NKPD1: variants seen among roughly 807,000 people sequenced by gnomAD.
The protein encoded by NKPD1 is NTPase KAP family P-loop domain-containing protein 1.
NKPD1 carries 37 observed loss-of-function variants against 42.2 expected under a neutral mutation model. The observed-to-expected ratio is 0.88, with a 90% CI of 0.67 to 1.15. NKPD1 has a LOEUF of 1.15. NKPD1 is among the 50% of genes most tolerant of loss of function. The pLI, the probability that NKPD1 is intolerant of heterozygous loss-of-function variation, is 0.00. For synonymous variants in NKPD1, 552 were observed against 536.5 expected, an observed-to-expected ratio of 1.03 and a Z score of -0.40; for missense variants, 1,113 against 1,174.6, an observed-to-expected ratio of 0.95 and a Z score of 0.77.
Position 45,153,014 on chromosome 19 carries a change from C to T in NKPD1, c.1423G>A (p.Ala475Thr). Residue 475 changes from alanine (A) to threonine (T), a missense_variant, in exon 5 of 5, where the codon GCC becomes ACC. Around this residue, in one of 3 missense-constraint regions of NKPD1, gnomAD observed 867 missense variants for 870.1 expected, o/e 1.00. Coordinates refer to ENST00000686631, the MANE Select transcript of NKPD1 (RefSeq NM_198478.4). ...CTGTCGGACAGCAGCGTGTTGATGG[C>T]GTTGAGCACGCCCACCACGCGCTCC... ...YPERVVGVLNAINTLLSDSHA... is the reference protein window; with the variant it reads ...YPERVVGVLNTINTLLSDSHA... The T allele has an allele frequency of 6.3e-6, 10 of 1,585,732 alleles. No individual in the cohort carries two copies. Among genetic ancestry groups the T allele is most frequent in the African/African-American group, 1.3e-5 (1 of 74,472 alleles).
rs1432078469 is a variant in NKPD1, at chr19:45,152,345, T to G, written c.2092A>C (p.Ser698Arg). The G allele has an allele frequency of 6.2e-7, 1 of 1,604,700 alleles. No homozygotes were observed. Among genetic ancestry groups the G allele is most frequent in the Non-Finnish European group, 8.5e-7 (1 of 1,175,458 alleles). Residue 698 changes from serine (S) to arginine (R), a missense_variant, in exon 5 of 5, where the codon AGC becomes CGC. Physicochemically the swap from Ser to Arg is moderately radical, Grantham distance 110. Transcript: ENST00000686631. ...TTGGTCATGGTGTGCAGCTCGCGGC[T>G]GTTGTCGCGGAAAACGTCCCAGAGG... The part of the protein sequence containing the change: ...ARLWDVFRDN[S>R]RELHTMTKAL...
chr19:45,153,486 C>A lies in NKPD1; in HGVS notation c.951G>T (p.Ser317=). The change falls in exon 5 of 5, where the codon TCG becomes TCT. Residue 317 remains serine, a synonymous_variant. Transcript: ENST00000686631. ...HYGALPFSVY[S]VLGNKPATRQ... ...TGGTGGCCGGCTTGTTGCCCAGCAC[C>A]GAGTACACGCTGAAGGGCAGTGCGC... is the stretch of plus-strand genomic sequence containing the variant. The A allele has an allele frequency of 6.4e-7, 1 of 1,556,176 alleles. No homozygotes were observed. Among genetic ancestry groups the A allele is most frequent in the East Asian group, 2.4e-5 (1 of 42,330 alleles).
At chr19:45,162,291 G>C (rs1969022454), upstream of NKPD1, among the ~76,000 whole-genome samples, 1 of 152,204 alleles carries the variant, frequency 6.6e-6, no homozygotes, top group Non-Finnish European at 1.5e-5. Context: ...GCTACACTCA[G>C]CCAGGTGGAA....
rs1968764830 is a variant in NKPD1 at position 45,150,901 on chromosome 19, A to G, written c.*1037T>C. On this transcript the variant is annotated 3_prime_UTR_variant, in exon 5 of 5. Coordinates refer to ENST00000686631, the MANE Select transcript of NKPD1 (RefSeq NM_198478.4). ...GCCTCAGGGCCCTGGCTCAGAAGCCACACCCTCAGCCTCATCCCAGGGTAT... is the reference window on the plus strand; with the variant it reads ...GCCTCAGGGCCCTGGCTCAGAAGCCGCACCCTCAGCCTCATCCCAGGGTAT... The G allele has an allele frequency of 1.3e-5, 2 of 152,322 alleles. No individual in the cohort carries two copies. The highest frequency in any genetic ancestry group is 4.8e-5 in the African/African-American group (2 of 41,454). The allele number at this position is 152,322 out of a possible 1,614,324, so 9.4% of individuals were successfully genotyped here. A position where few individuals can be genotyped will look rare whatever the true frequency, so the allele number is the denominator to read the frequency against.
rs769794687 is a variant in NKPD1 at position 45,152,674 on chromosome 19, C to T, written c.1763G>A (p.Arg588His). ...AQAGTERGQG[R>H]IDDEAARRIQ... is the part of the protein sequence containing the mutation. Reference sequence around the variant, plus strand: ...TCGCCGCGCCGCCTCGTCGTCGATGCGGCCCTGCCCGCGCTCCGTCCCCGC... The same window carrying T: ...TCGCCGCGCCGCCTCGTCGTCGATGTGGCCCTGCCCGCGCTCCGTCCCCGC... Residue 588 changes from arginine to histidine, a missense_variant, in exon 5 of 5, where the codon CGC (arginine) becomes CAC (histidine). By Grantham distance (29) the Arg-to-His change is conservative. Coordinates refer to ENST00000686631, the MANE Select transcript of NKPD1 (RefSeq NM_198478.4). 1.3e-6 allele frequency: 2 copies of T among 1,538,796 alleles called. No homozygotes were observed. The highest frequency in any genetic ancestry group is 1.7e-6 in the Non-Finnish European group (2 of 1,148,764).
intron 3 of NKPD1, among the ~76,000 whole-genome samples, chr19:45,157,110 A>G (rs1170965449): frequency 6.6e-6 from 1 of 152,222 alleles, no homozygotes; most frequent in African/African-American, 2.4e-5. Flanking sequence ...CACCCCGGCA[A>G]GGCTGCCGCA....
Position 45,152,757 on chromosome 19 carries a change from C to G in NKPD1, c.1680G>C (p.Pro560=), listed in dbSNP as rs865995580. ...DLLYREMTRK[P]WLPGDAGGES... ...CGCCCCCGGCGTCCCCCGGCAGCCACGGCTTGCGCGTCATCTCGCGGTACA... is the reference window on the plus strand; with the variant it reads ...CGCCCCCGGCGTCCCCCGGCAGCCAGGGCTTGCGCGTCATCTCGCGGTACA... The change falls in exon 5 of 5, where the codon CCG becomes CCC. Residue 560 remains proline (P), a synonymous_variant. Coordinates refer to ENST00000686631, the MANE Select transcript of NKPD1 (RefSeq NM_198478.4). 2 of 1,596,332 alleles carry G rather than the reference C, an allele frequency of 1.3e-6. No homozygotes were observed. Among genetic ancestry groups the G allele is most frequent in the Middle Eastern group, 3.3e-4 (2 of 6,028 alleles).
At position 45,160,059 on chromosome 19, in the gene NKPD1, C is replaced by A. The variant is rs1284782600; in HGVS notation, c.91+1G>T. On this transcript the variant is annotated splice_donor_variant, in intron 2 of 4. Transcript: ENST00000686631. LOFTEE classifies it high-confidence loss of function. ...CACCCGCCCCCAAACTGAACCCGTA[C>A]CTTTTCGGTGCCCCAACTCTGGGTC... 7.7e-7 allele frequency: 1 copy of A among 1,303,262 alleles called. No individual in the cohort carries two copies. The highest frequency in any genetic ancestry group is 1.0e-6 in the Non-Finnish European group (1 of 987,616). 80.7% of individuals were successfully genotyped at this position (1,303,262 alleles called of 1,614,324 possible).
intron 4 of NKPD1, among the ~76,000 whole-genome samples, chr19:45,154,950 G>A (rs1467462490): frequency 4.6e-5 from 7 of 150,888 alleles, no homozygotes; most frequent in Non-Finnish European, 1.0e-4. Flanking sequence ...GCTTGAACCT[G>A]GGAGGTGGAG....
intron 3 of NKPD1, among the ~76,000 whole-genome samples, chr19:45,157,705 T>C (rs1450848690): frequency 6.9e-6 from 1 of 144,076 alleles, no homozygotes; most frequent in Non-Finnish European, 1.5e-5. Flanking sequence ...CATGAGCCAG[T>C]GCGCCCAGAC....
rs557381207 is a variant in NKPD1 at position 45,151,848 on chromosome 19, C to A, written c.*90G>T. 2.3e-5 allele frequency: 31 copies of A among 1,362,434 alleles called. No individual in the cohort carries two copies. The highest frequency in any genetic ancestry group is 1.4e-4 in the Admixed American group (5 of 34,598). 84.4% of individuals were successfully genotyped at this position (1,362,434 alleles called of 1,614,324 possible). On this transcript the variant is annotated 3_prime_UTR_variant, in exon 5 of 5. Coordinates refer to ENST00000686631, the MANE Select transcript of NKPD1 (RefSeq NM_198478.4). Reference sequence around the variant, plus strand: ...GTGGGCCTCACAGGGCTCATTCGGACCCTGGGTTGCGGCCCCAGTCCAGCC... The same window carrying A: ...GTGGGCCTCACAGGGCTCATTCGGAACCTGGGTTGCGGCCCCAGTCCAGCC...
chr19:45,152,261 C>T lies in NKPD1; in HGVS notation c.2176G>A (p.Gly726Ser). The T allele has an allele frequency of 6.2e-7, 1 of 1,609,386 alleles. No individual in the cohort carries two copies. The highest frequency in any genetic ancestry group is 8.5e-7 in the Non-Finnish European group (1 of 1,178,536). The change falls in exon 5 of 5, where the codon GGC becomes AGC. Residue 726 changes from glycine (G) to serine (S), a missense_variant. By Grantham distance (56) the Gly-to-Ser change is moderately conservative. Around this residue, in one of 3 missense-constraint regions of NKPD1, gnomAD observed 867 missense variants for 870.1 expected, o/e 1.00. Transcript: ENST00000686631. The stretch of plus-strand genomic sequence containing the variant: ...GCCACGGTGAAGGGGAAGTCGGCGC[C>T]CAGGAAGCGCTCGAAGAGCTCGGGG... ...GDPELFERFL[G>S]ADFPFTVAEA...
chr19:45,162,749 C>T (rs1969033570), upstream of NKPD1, among the ~76,000 whole-genome samples: 1 of 152,124 alleles, frequency 6.6e-6, no homozygotes, highest in Admixed American at 6.5e-5. Flanking sequence ...GCAGAGGTGC[C>T]AGTAAGGCCG....
At chr19:45,160,741 G>A (rs1197799706) in intron 1 of NKPD1, among the ~76,000 whole-genome samples, 184 bp downstream of exon 1, 2 of 151,878 alleles carry the variant, frequency 1.3e-5, no homozygotes, top group African/African-American at 2.4e-5. Context: ...TTGGGGAGAG[G>A]CTCAGCAAAC....
At position 45,158,866 on chromosome 19, in the gene NKPD1, C is replaced by G; in HGVS notation, c.326G>C (p.Gly109Ala). 3.9e-6 allele frequency: 5 copies of G among 1,281,432 alleles called. No homozygotes were observed. Among genetic ancestry groups the G allele is most frequent in the Non-Finnish European group, 5.1e-6 (5 of 977,540 alleles). 79.4% of individuals were successfully genotyped at this position (1,281,432 alleles called of 1,614,324 possible). ...GGGGACAGTGGAGGTTGCAGGCAGC[C>G]CCTTCTGGGCTTCGTGAATGGGGCA... is the stretch of plus-strand genomic sequence containing the variant. ...RLCPIHEAQK[G>A]LPATSTVPKE... Residue 109 changes from glycine to alanine, a missense_variant, in exon 3 of 5, where the codon GGG (glycine) becomes GCG (alanine). Around this residue, in one of 3 missense-constraint regions of NKPD1, gnomAD observed 204 missense variants for 227.8 expected, o/e 0.90. Transcript: ENST00000686631. The surrounding 1 kb of genome is among the most constrained non-coding windows in gnomAD (Gnocchi z 4.6).
chr19:45,153,946 C>T, intron 4 of NKPD1, 171 bp from the exon 5 acceptor site: 1 of 638,896 alleles, frequency 1.6e-6, no homozygotes, highest in Non-Finnish European at 2.3e-6. Flanking sequence ...GGTGCAGAAG[C>T]GGGGGCGTGG....
upstream of NKPD1, chr19:45,162,803 G>A (rs548614312): frequency 1.7e-4 from 31 of 183,680 alleles, no homozygotes; most frequent in Admixed American, 5.6e-4. Context: ...GCACGGGGAG[G>A]GAGGGAGTGG....
At chr19:45,161,226 G>C (rs140769774), upstream of NKPD1, among the ~76,000 whole-genome samples, 1 of 152,062 alleles carries the variant, frequency 6.6e-6, no homozygotes, top group Non-Finnish European at 1.5e-5. Flanking sequence ...CTGCTGGTGT[G>C]GGGGGGACAG....
Position 45,160,161 on chromosome 19 carries a change from C to T in NKPD1, c.-11G>A. The T allele has an allele frequency of 3.8e-6, 5 of 1,302,154 alleles. No homozygotes were observed. Among genetic ancestry groups the T allele is most frequent in the Non-Finnish European group, 5.1e-6 (5 of 986,676 alleles). 80.7% of individuals were successfully genotyped at this position (1,302,154 alleles called of 1,614,324 possible). ...GTAATGTTTGTGCATGGCAGCCGGGCAGCTGGGTGCTGGGGGCCTGCTCCT... is the reference window on the plus strand; with the variant it reads ...GTAATGTTTGTGCATGGCAGCCGGGTAGCTGGGTGCTGGGGGCCTGCTCCT... On this transcript the variant is annotated 5_prime_UTR_variant, in exon 2 of 5. Transcript: ENST00000686631.
Sources: allele counts gnomAD v4.1 joint callset (sites outside exome capture counted in the v4.1 genomes callset), GRCh38; gene constraint gnomAD v4.1.1; regional missense constraint gnomAD v4.1.1; non-coding constraint Gnocchi (gnomAD v3.1); transcripts MANE v1.5; gene names NCBI Gene and HGNC (gene_info 2026-07-23, HGNC 2026-07-21).